Variants in EML5 observed in about 807,000 individuals in gnomAD.
EML5 encodes echinoderm microtubule-associated protein-like 5.
A neutral mutation model predicts 250.0 loss-of-function variants in EML5; 120 were observed. That is an observed-to-expected ratio of 0.48 (90% CI 0.41 to 0.56). The LOEUF (loss-of-function observed/expected upper bound fraction) is 0.56. Among genes scored for constraint, EML5 ranks in the 20% least tolerant of loss-of-function variants. The pLI, the probability that EML5 is intolerant of heterozygous loss-of-function variation, is 0.00. For synonymous variants in EML5, 771 were observed against 806.5 expected (o/e 0.96, Z 0.75); for missense variants, 2,006 against 2,437.6 (o/e 0.82, Z 3.73).
chr14:88,666,702 G>A (rs1465005895), intron 21 of EML5, among the ~76,000 whole-genome samples: 1 of 152,004 alleles, frequency 6.6e-6, no homozygotes, highest in Non-Finnish European at 1.5e-5. Context: ...AAGGGTTAGT[G>A]CTGCATTGAT....
intron 26 of EML5, 114 bp downstream of exon 26, chr14:88,658,073 C>A: frequency 1.0e-6 from 1 of 986,684 alleles, no homozygotes. Context: ...AGACTAAAAA[C>A]AGTACCACTA....
chr14:88,744,162 C>T, intron 3 of EML5, 71 bp from the exon 4 acceptor site: 1 of 1,017,110 alleles, frequency 9.8e-7, no homozygotes, highest in Non-Finnish European at 1.4e-6. Context: ...TCCAAAAGAC[C>T]AAATGGCCCA....
At chr14:88,668,961 C>T (rs2092384114) in intron 21 of EML5, among the ~76,000 whole-genome samples, 1 of 151,590 alleles carries the variant, frequency 6.6e-6, no homozygotes, top group African/African-American at 2.4e-5. Context: ...GAATCCTGCA[C>T]CAGCAACTGA....
rs777209271 is a variant in EML5, at chr14:88,694,337, T to C, written c.2509A>G (p.Ile837Val). 7 of 1,592,786 alleles carry C rather than the reference T, an allele frequency of 4.4e-6. No homozygotes were observed. In the South Asian group the frequency reaches 8.0e-5, roughly 18 times the overall value. Residue 837 changes from isoleucine (I) to valine (V), a missense_variant, in exon 17 of 44, where the codon ATT (isoleucine) becomes GTT (valine). Ile to Val is a conservative substitution (Grantham distance 29). This residue lies in a region of EML5 where 1,375 missense variants were observed against 1,590.3 expected (regional missense o/e 0.86). Transcript: ENST00000554922. ...YVPDKLITAG[I>V]KHMKFWRKAG... The stretch of plus-strand genomic sequence containing the variant: ...TTACGCCAAAATTTCATGTGTTTAA[T>C]TCCAGCTGTAATTAGTTTATCAGGC...
chr14:88,705,877 T>A, intron 11 of EML5: 1 of 578,078 alleles, frequency 1.7e-6, no homozygotes, highest in African/African-American at 1.8e-5. Context: ...ATATAACCTA[T>A]AATTAACATG....
chr14:88,664,018 C>CT (rs2092224198), intron 23 of EML5, among the ~76,000 whole-genome samples: 1 of 151,498 alleles, frequency 6.6e-6, no homozygotes, highest in Non-Finnish European at 1.5e-5. Context: ...TGGCTCATGC[C>CT]TATAATCACA....
intron 38 of EML5, 58 bp downstream of exon 38, chr14:88,621,055 C>G (rs1014608506): frequency 8.2e-5 from 126 of 1,533,274 alleles, no homozygotes; most frequent in Admixed American, 5.4e-4. Context: ...CAATTTAGAA[C>G]TTCCAACTTT....
intron 1 of EML5, among the ~76,000 whole-genome samples, chr14:88,771,551 T>A (rs974277240): frequency 6.6e-6 from 1 of 152,188 alleles, no homozygotes; most frequent in South Asian, 2.1e-4. Flanking sequence ...TTACCCATCA[T>A]CCCATTTCTC....
chr14:88,620,890 G>A lies in EML5; in HGVS notation c.5239C>T (p.Arg1747Cys), dbSNP rs779228207. ...LNKVNLGHAA[R>C]TVCYSPEGDM... ...CCTTCAGGGCTGTAACACACAGTAC[G>A]AGCAGCATGTCCCAAATTCACTTTG... The change falls in exon 39 of 44, where the codon CGT (arginine) becomes TGT (cysteine). Residue 1747 changes from arginine (R) to cysteine (C), a missense_variant. Arg to Cys is a radical substitution (Grantham distance 180). Around this residue, in one of 7 missense-constraint regions of EML5, gnomAD observed 405 missense variants for 523.3 expected, o/e 0.77. Transcript: ENST00000554922. This position sits in a 1 kb window ranked among gnomAD's most constrained non-coding sequence, Gnocchi z 4.3. 28 of 1,534,116 alleles carry A rather than the reference G, an allele frequency of 1.8e-5. No individual in the cohort carries two copies. The highest frequency in any genetic ancestry group is 7.6e-5 in the South Asian group (6 of 79,156).
chr14:88,778,784 AAAAC>A (rs1381182968), intron 1 of EML5, among the ~76,000 whole-genome samples: 2 of 152,342 alleles, frequency 1.3e-5, no homozygotes, highest in East Asian at 3.9e-4. Flanking sequence ...TCTCAAAAAC[AAAAC>A]AAAACAAAAC....
At position 88,642,953 on chromosome 14, in the gene EML5, C is replaced by A. The variant is rs2091151087; in HGVS notation, c.4177G>T (p.Asp1393Tyr). ...DCRNNVHYLN[D>Y]GDDIIYHTAS... Reference sequence around the variant, plus strand: ...GTGTGATAAATTATATCATCACCATCATTTAAATAGTGAACATTATTCCTA... The same window carrying A: ...GTGTGATAAATTATATCATCACCATAATTTAAATAGTGAACATTATTCCTA... The change falls in exon 31 of 44, where the codon GAT becomes TAT. Residue 1393 changes from aspartate to tyrosine, a missense_variant. Physicochemically the swap from Asp to Tyr is radical, Grantham distance 160. This residue lies in a region of EML5 where 1,375 missense variants were observed against 1,590.3 expected (regional missense o/e 0.86). Coordinates refer to ENST00000554922, the MANE Select transcript of EML5 (RefSeq NM_183387.3). 6.2e-6 allele frequency: 10 copies of A among 1,606,654 alleles called. No individual in the cohort carries two copies. Among genetic ancestry groups the A allele is most frequent in the Non-Finnish European group, 8.5e-6 (10 of 1,177,648 alleles).
intron 1 of EML5, among the ~76,000 whole-genome samples, chr14:88,777,949 T>C (rs905889934): frequency 6.6e-5 from 10 of 152,264 alleles, no homozygotes; most frequent in African/African-American, 2.2e-4. Context: ...TACTCCTGCC[T>C]GGGCAAAAGA....
At chr14:88,771,401 T>A (rs201922439) in intron 1 of EML5, among the ~76,000 whole-genome samples, 1 of 152,234 alleles carries the variant, frequency 6.6e-6, no homozygotes, top group East Asian at 1.9e-4. Context: ...AACTCTCCGC[T>A]TGTGTTCTAG....
chr14:88,662,892 T>A (rs1215189304), intron 24 of EML5, 139 bp downstream of exon 24: 4 of 621,338 alleles, frequency 6.4e-6, no homozygotes, highest in Non-Finnish European at 1.1e-5. Flanking sequence ...GTATTCTGAC[T>A]CAATAAACTC....
At chr14:88,617,129 A>G (rs1035164415) in intron 41 of EML5, 4 of 313,654 alleles carry the variant, frequency 1.3e-5, no homozygotes, top group African/African-American at 8.6e-5. Flanking sequence ...TACTTTATGA[A>G]AACTGATAGA....
chr14:88,623,235 C>G (rs1334784065), intron 36 of EML5: 1 of 152,330 alleles, frequency 6.6e-6, no homozygotes, highest in Non-Finnish European at 1.5e-5. Context: ...AGGCTGGTCT[C>G]AAATACCTTG....
intron 1 of EML5, among the ~76,000 whole-genome samples, chr14:88,769,184 A>G (rs2094358763): frequency 6.6e-6 from 1 of 152,214 alleles, no homozygotes; most frequent in Non-Finnish European, 1.5e-5. Context: ...GTTGAAATGT[A>G]ATCCCCAATG....
chr14:88,656,567 G>GT (rs1473054909), intron 27 of EML5, among the ~76,000 whole-genome samples: 3 of 151,974 alleles, frequency 2.0e-5, no homozygotes, highest in Non-Finnish European at 4.4e-5. Context: ...GTATACCTAT[G>GT]TAACAAACCT....
intron 8 of EML5, among the ~76,000 whole-genome samples, chr14:88,717,564 G>A (rs1235769015): frequency 6.6e-6 from 1 of 152,040 alleles, no homozygotes; most frequent in Non-Finnish European, 1.5e-5. Flanking sequence ...GACCATCCTG[G>A]CTAACACGGT....
Sources: gnomAD v4.1 joint callset for allele counts (sites outside exome capture counted in the v4.1 genomes callset) on GRCh38, gnomAD v4.1.1 for gene constraint, gnomAD v4.1.1 regional missense constraint, Gnocchi (gnomAD v3.1) non-coding constraint, MANE v1.5 for transcripts, NCBI Gene and HGNC (gene_info 2026-07-23, HGNC 2026-07-21) for gene names.